The following EXOC6B variants were observed in gnomAD, a reference collection of about 807,000 sequenced individuals.
EXOC6B encodes the protein SEC15 homolog B.
A neutral mutation model predicts 113.5 loss-of-function variants in EXOC6B; 54 were observed. That is an observed-to-expected ratio of 0.48 (90% CI 0.38 to 0.60). The LOEUF is 0.60. EXOC6B is among the 20% of genes least tolerant of loss of function. The pLI, the probability that EXOC6B is intolerant of heterozygous loss-of-function variation, is 0.00. For synonymous variants in EXOC6B, 357 were observed against 339.0 expected (o/e 1.05, Z -0.58); for missense variants, 797 against 977.5 (o/e 0.82, Z 2.46).
At chr2:72,445,669 C>A (rs61089418) in intron 18 of EXOC6B, among the ~76,000 whole-genome samples, 1 of 152,094 alleles carries the variant, frequency 6.6e-6, no homozygotes, top group African/African-American at 2.4e-5. Flanking sequence ...ACCATCAGAT[C>A]TCATGAGACT....
At chr2:72,677,448 A>G (rs1676396567) in intron 6 of EXOC6B, among the ~76,000 whole-genome samples, 1 of 152,164 alleles carries the variant, frequency 6.6e-6, no homozygotes, top group Non-Finnish European at 1.5e-5. Context: ...TGCTCAAAAC[A>G]GTCAAGACTG....
At chr2:72,823,877 A>G (rs1171144113) in intron 1 of EXOC6B, among the ~76,000 whole-genome samples, 2 of 152,232 alleles carry the variant, frequency 1.3e-5, no homozygotes, top group Non-Finnish European at 2.9e-5. Flanking sequence ...ACATATATTT[A>G]CATGGTATTT....
At chr2:72,281,772 A>G (rs570583659) in intron 20 of EXOC6B, among the ~76,000 whole-genome samples, 2 of 152,330 alleles carry the variant, frequency 1.3e-5, no homozygotes, top group Admixed American at 1.3e-4. Context: ...GAAAAACACA[A>G]AGAAAACCAT....
intron 17 of EXOC6B, among the ~76,000 whole-genome samples, chr2:72,479,258 AT>A (rs937761558): frequency 1.3e-5 from 2 of 152,216 alleles, no homozygotes; most frequent in Non-Finnish European, 2.9e-5. Flanking sequence ...AGCTGACCTA[AT>A]CACATAGATA....
At chr2:72,751,576 T>G (rs1573738172) in intron 1 of EXOC6B, among the ~76,000 whole-genome samples, 1 of 152,140 alleles carries the variant, frequency 6.6e-6, no homozygotes. Context: ...CCTTAAAATT[T>G]TATTTTTGGT....
At chr2:72,761,907 G>C (rs548147941) in intron 1 of EXOC6B, among the ~76,000 whole-genome samples, 28 of 151,868 alleles carry the variant, frequency 1.8e-4, no homozygotes, top group Non-Finnish European at 3.5e-4. Context: ...GAGCCCAGGA[G>C]TTCAAGATCA....
At chr2:72,727,208 G>A (rs1680353274) in intron 5 of EXOC6B, among the ~76,000 whole-genome samples, 2 of 152,040 alleles carry the variant, frequency 1.3e-5, no homozygotes, top group South Asian at 4.2e-4. Context: ...TACACAGAAG[G>A]AACAAAGAAC....
intron 8 of EXOC6B, among the ~76,000 whole-genome samples, chr2:72,543,487 A>G (rs986725939): frequency 4.0e-5 from 6 of 151,726 alleles, no homozygotes; most frequent in African/African-American, 1.5e-4. Flanking sequence ...CAAAGTAAGC[A>G]TTTTGGAAAA....
rs201931237 is a variant in EXOC6B at position 72,276,349 on chromosome 2, TCA to T, written c.2196+58596_2196+58597del. 6.2e-3 allele frequency among the ~76,000 whole-genome samples: 942 copies of T among 152,292 alleles called. 18 individuals are homozygous for T. Among genetic ancestry groups the T allele is most frequent in the African/African-American group, 0.021 (876 of 41,570 alleles). On this transcript the variant is annotated intron_variant, in intron 20 of 21. Transcript: ENST00000272427. ...CAAAAGCTGAATTCCTGCTACTCTC[TCA>T]GTGAGTAGGTATAGAAAAGGAAGTT...
intron 1 of EXOC6B, among the ~76,000 whole-genome samples, chr2:72,762,496 T>C (rs1682799763): frequency 6.6e-6 from 1 of 151,476 alleles, no homozygotes; most frequent in African/African-American, 2.4e-5. Context: ...CTCATCCAAA[T>C]TATATAAAGA....
chr2:72,593,643 TAAA>T (rs70963131), intron 6 of EXOC6B, among the ~76,000 whole-genome samples: 1 of 137,128 alleles, frequency 7.3e-6, no homozygotes. Flanking sequence ...ATAGGGATCT[TAAA>T]AAAAAAAAAA....
chr2:72,700,930 G>A (rs921026763), intron 6 of EXOC6B, among the ~76,000 whole-genome samples: 9 of 150,044 alleles, frequency 6.0e-5, no homozygotes, highest in East Asian at 2.1e-4. Flanking sequence ...CAGCCTGGGC[G>A]ACTCTGTCTC....
chr2:72,480,221 T>C (rs188716736), intron 17 of EXOC6B, among the ~76,000 whole-genome samples: 22 of 151,190 alleles, frequency 1.5e-4, no homozygotes, highest in Non-Finnish European at 5.9e-5. Context: ...AAAAAATTGG[T>C]CACAGGATAC....
At chr2:72,705,625 GCAC>G (rs549882813) in intron 6 of EXOC6B, among the ~76,000 whole-genome samples, 12 of 151,954 alleles carry the variant, frequency 7.9e-5, no homozygotes, top group Admixed American at 7.9e-4. Context: ...GTGCAAGTAA[GCAC>G]CACAACCTGA....
chr2:72,260,152 A>T (rs1218706116), intron 20 of EXOC6B, among the ~76,000 whole-genome samples: 1 of 152,194 alleles, frequency 6.6e-6, no homozygotes, highest in Non-Finnish European at 1.5e-5. Flanking sequence ...ATGTTTATAT[A>T]TAATAAGGTT....
chr2:72,282,593 C>T (rs1685193336), intron 20 of EXOC6B, among the ~76,000 whole-genome samples: 1 of 151,712 alleles, frequency 6.6e-6, no homozygotes, highest in Non-Finnish European at 1.5e-5. Flanking sequence ...AATGTAAATG[C>T]AAATTAACTA....
intron 6 of EXOC6B, among the ~76,000 whole-genome samples, chr2:72,692,994 A>G (rs1338871371): frequency 6.6e-6 from 1 of 152,186 alleles, no homozygotes; most frequent in Admixed American, 6.5e-5. Context: ...TTAAGTCAAA[A>G]ATATGGTTTA....
intron 1 of EXOC6B, among the ~76,000 whole-genome samples, chr2:72,812,673 G>T (rs1489633669): frequency 1.4e-5 from 2 of 145,730 alleles, no homozygotes; most frequent in Admixed American, 7.1e-5. Flanking sequence ...CTGGGTGACT[G>T]GGGGAGACCC....
At chr2:72,184,008 C>G in intron 21 of EXOC6B, 67 bp downstream of exon 21, 1 of 922,620 alleles carries the variant, frequency 1.1e-6, no homozygotes, top group Non-Finnish European at 1.7e-6. Context: ...GCAAAATTAT[C>G]TTCTACGCCA....
Sources: gnomAD v4.1 joint callset for allele counts (sites outside exome capture counted in the v4.1 genomes callset) on GRCh38, gnomAD v4.1.1 for gene constraint, MANE v1.5 for transcripts, NCBI Gene and HGNC (gene_info 2026-07-23, HGNC 2026-07-21) for gene names.